HIRA: variants seen among roughly 807,000 people sequenced by gnomAD.
The protein encoded by HIRA is histone cell cycle regulator.
A neutral mutation model predicts 126.6 loss-of-function variants in HIRA; 13 were observed. The observed-to-expected ratio is 0.10, with a 90% confidence interval of 0.07 to 0.16. The LOEUF (loss-of-function observed/expected upper bound fraction) is 0.16. HIRA is among the 10% of genes least tolerant of loss of function. HIRA has a pLI of 1.00. For missense variants in HIRA, 834 were observed against 1,314.4 expected (o/e 0.63, Z 5.65); for synonymous variants, 511 against 520.0 (o/e 0.98, Z 0.24).
chr22:19,356,345 T>C lies in HIRA; in HGVS notation c.2397-57A>G, dbSNP rs868986336. 3.1e-5 allele frequency: 46 copies of C among 1,489,438 alleles called. No individual in the cohort carries two copies. The South Asian group carries it at 4.1e-4, about 13-fold the overall frequency. The allele number at this position is 1,489,438 out of a possible 1,614,324, so 92.3% of individuals were successfully genotyped here. ...CAACCCAGGTAAACACATCAGAGTG[T>C]GCCTTGGCTGCTCAGACACCCTGGC... On this transcript the variant is annotated intron_variant, in intron 19 of 24. Transcript: ENST00000263208.
intron 24 of HIRA, among the ~76,000 whole-genome samples, chr22:19,339,590 T>G (rs1556007068): frequency 6.7e-6 from 1 of 149,106 alleles, no homozygotes; most frequent in Non-Finnish European, 1.5e-5. Context: ...TGAGCCGAGA[T>G]GCACCACTGC....
At chr22:19,405,253 G>A (rs1044124926) in intron 5 of HIRA, among the ~76,000 whole-genome samples, 1 of 152,162 alleles carries the variant, frequency 6.6e-6, no homozygotes, top group African/African-American at 2.4e-5. Context: ...AGACTCCTAA[G>A]TCAAGTCTAA....
intron 1 of HIRA, among the ~76,000 whole-genome samples, chr22:19,419,356 G>T (rs756868623): frequency 1.3e-5 from 2 of 152,050 alleles, no homozygotes; most frequent in African/African-American, 4.8e-5. Context: ...CCCCACCATC[G>T]CTGGTCTTCC....
chr22:19,399,360 T>C (rs2146233342), intron 5 of HIRA, among the ~76,000 whole-genome samples: 2 of 152,294 alleles, frequency 1.3e-5, no homozygotes, highest in African/African-American at 4.8e-5. Context: ...CAGGTTTTTT[T>C]TTTTTTTTCA....
At chr22:19,390,307 A>C (rs911215829) in intron 9 of HIRA, among the ~76,000 whole-genome samples, 4 of 152,124 alleles carry the variant, frequency 2.6e-5, no homozygotes, top group Non-Finnish European at 5.9e-5. Context: ...CTGAAGACAC[A>C]TCGGGCTGGG....
intron 24 of HIRA, among the ~76,000 whole-genome samples, chr22:19,346,334 C>T (rs536323272): frequency 1.7e-4 from 26 of 152,292 alleles, no homozygotes; most frequent in South Asian, 1.0e-3. Context: ...AGAGAGACTT[C>T]GTCTCAAATA....
chr22:19,422,923 C>G (rs1023745951), intron 1 of HIRA, among the ~76,000 whole-genome samples: 4 of 152,110 alleles, frequency 2.6e-5, no homozygotes, highest in African/African-American at 9.7e-5. Context: ...GAGTAAAGGG[C>G]CCTGGTCTCC....
chr22:19,397,938 A>G, intron 6 of HIRA, 54 bp downstream of exon 6: 2 of 1,369,754 alleles, frequency 1.5e-6, no homozygotes, highest in Non-Finnish European at 2.1e-6. Flanking sequence ...CCCCTGCTCC[A>G]GAAACTGACA....
At chr22:19,388,031 G>C (rs2089143497) in intron 10 of HIRA, among the ~76,000 whole-genome samples, 1 of 152,124 alleles carries the variant, frequency 6.6e-6, no homozygotes, top group Admixed American at 6.5e-5. Context: ...TTAGCTCTAA[G>C]CAGGTGTACA....
At chr22:19,339,531 G>A (rs1556007055) in intron 24 of HIRA, among the ~76,000 whole-genome samples, 1 of 152,042 alleles carries the variant, frequency 6.6e-6, no homozygotes, top group Non-Finnish European at 1.5e-5. Flanking sequence ...CAGCTACTTG[G>A]GAGGCTGAGG....
intron 1 of HIRA, among the ~76,000 whole-genome samples, chr22:19,430,551 A>G (rs2089524824): frequency 1.3e-5 from 2 of 152,018 alleles, no homozygotes; most frequent in African/African-American, 4.8e-5. Context: ...TTGCCTGTCA[A>G]CAGTCAGACA....
At chr22:19,368,714 T>C (rs1164567778) in intron 15 of HIRA, among the ~76,000 whole-genome samples, 1 of 152,232 alleles carries the variant, frequency 6.6e-6, no homozygotes, top group African/African-American at 2.4e-5. Context: ...CAGACTTTTA[T>C]GTAACTATCG....
Position 19,351,066 on chromosome 22 carries a change from A to AAGT in HIRA, c.2937+289_2937+291dup. 1 of 936,306 alleles carries AAGT rather than the reference A, an allele frequency of 1.1e-6. No individual in the cohort carries two copies. Among genetic ancestry groups the AAGT allele is most frequent in the African/African-American group, 1.8e-5 (1 of 56,344 alleles). 58.0% of individuals were successfully genotyped at this position (936,306 alleles called of 1,614,324 possible). On this transcript the variant is annotated intron_variant, in intron 24 of 24. Coordinates refer to ENST00000263208, the MANE Select transcript of HIRA (RefSeq NM_003325.4). The surrounding 1 kb of genome is among the most constrained non-coding windows in gnomAD (Gnocchi z 4.8). ...CAGACCGAGCTCCACGAAGGCAGGG[A>AAGT]AGTACCTTCCGTCTTTTGTCTTCAC...
chr22:19,390,960 GTT>G (rs113434072), intron 9 of HIRA, among the ~76,000 whole-genome samples: 2 of 145,390 alleles, frequency 1.4e-5, no homozygotes, highest in African/African-American at 5.0e-5. Context: ...CTATTTTTTT[GTT>G]TTTTTTTTTA....
chr22:19,335,234 C>G (rs2088551788), intron 24 of HIRA, among the ~76,000 whole-genome samples: 1 of 151,886 alleles, frequency 6.6e-6, no homozygotes, highest in Non-Finnish European at 1.5e-5. Flanking sequence ...CTTAAAAAGG[C>G]AGAACTTTTT....
At chr22:19,354,974 TGTTGCCCAA>T (rs1556012031) in intron 21 of HIRA, among the ~76,000 whole-genome samples, 12 of 152,186 alleles carry the variant, frequency 7.9e-5, no homozygotes, top group African/African-American at 2.9e-4. Flanking sequence ...GGTCTCACTA[TGTTGCCCAA>T]GCTGGTCTCA....
chr22:19,364,493 T>C (rs1411145855), intron 15 of HIRA, among the ~76,000 whole-genome samples: 1 of 152,230 alleles, frequency 6.6e-6, no homozygotes, highest in African/African-American at 2.4e-5. Context: ...TCATTTCGTG[T>C]CTCTGTGTCA....
chr22:19,365,166 G>A (rs1266738152), intron 15 of HIRA, among the ~76,000 whole-genome samples: 1 of 152,232 alleles, frequency 6.6e-6, no homozygotes, highest in Non-Finnish European at 1.5e-5. Flanking sequence ...TTTAAGGAAA[G>A]AAGCTGCCTC....
chr22:19,428,265 T>G (rs2089503919), intron 1 of HIRA, among the ~76,000 whole-genome samples: 1 of 152,192 alleles, frequency 6.6e-6, no homozygotes, highest in Admixed American at 6.6e-5. Flanking sequence ...GGGGGTGATT[T>G]TGGCTACCAA....
Sources: allele counts gnomAD v4.1 joint callset (sites outside exome capture counted in the v4.1 genomes callset), GRCh38; gene constraint gnomAD v4.1.1; non-coding constraint Gnocchi (gnomAD v3.1); transcripts MANE v1.5; gene names NCBI Gene and HGNC (gene_info 2026-07-23, HGNC 2026-07-21).